Variants in OSBPL9 observed in about 807,000 individuals in gnomAD.
OSBPL9 encodes the protein oxysterol-binding protein-related protein 9.
Under a neutral mutation model 106.6 loss-of-function variants are expected in OSBPL9, and 40 were observed. The observed-to-expected ratio is 0.38, with a 90% confidence interval of 0.29 to 0.49. The LOEUF (loss-of-function observed/expected upper bound fraction) is 0.49, where lower values mean the gene tolerates loss of function less well. Among genes scored for constraint, OSBPL9 ranks in the 20% least tolerant of loss-of-function variants. The pLI, the probability that OSBPL9 is intolerant of heterozygous loss-of-function variation, is 0.97. For missense variants in OSBPL9, 609 were observed against 887.2 expected, an observed-to-expected ratio of 0.69 and a Z score of 3.98; for synonymous variants, 269 against 295.4, an observed-to-expected ratio of 0.91 and a Z score of 0.92.
rs554099462 is a variant in OSBPL9, at chr1:51,714,970, G to A, written c.318+891G>A. The stretch of plus-strand genomic sequence containing the variant: ...AGATGTTGGGTGACATGCAACTAAC[G>A]TCTGCCGTACTACACTGAAGATATT... On this transcript the variant is annotated intron_variant, in intron 4 of 23. Transcript: ENST00000428468. 6.2e-4 allele frequency among the ~76,000 whole-genome samples: 94 copies of A among 152,288 alleles called. 2 individuals carry two copies. In the South Asian group the frequency reaches 0.019, roughly 31 times the overall value.
intron 1 of OSBPL9, among the ~76,000 whole-genome samples, chr1:51,587,871 C>T (rs1645254042): frequency 6.6e-6 from 1 of 152,250 alleles, no homozygotes; most frequent in Non-Finnish European, 1.5e-5. Flanking sequence ...TTCCGCCTCA[C>T]CACTCCACTG....
intron 3 of OSBPL9, among the ~76,000 whole-genome samples, chr1:51,703,229 G>A (rs563455118): frequency 9.9e-5 from 15 of 152,222 alleles, no homozygotes; most frequent in African/African-American, 3.6e-4. Context: ...AAATTACCTT[G>A]GGCAGTGTGG....
the OSBPL9 span, among the ~76,000 whole-genome samples, chr1:51,555,117 G>A: frequency 1.3e-5 from 2 of 152,300 alleles, no homozygotes; most frequent in East Asian, 1.9e-4. Flanking sequence ...CACTCTGCTA[G>A]CCTCCAAATT....
At chr1:51,544,837 CTTTTTTTTTTTTTTT>C in the OSBPL9 span, among the ~76,000 whole-genome samples, 14 of 80,260 alleles carry the variant, frequency 1.7e-4, no homozygotes, top group Non-Finnish European at 1.4e-4. Flanking sequence ...AAGAGACATG[CTTTTTTTTTTTTTTT>C]TTTTTTTTTG....
intron 1 of OSBPL9, among the ~76,000 whole-genome samples, chr1:51,624,123 A>G (rs1382322222): frequency 4.0e-5 from 6 of 151,610 alleles, no homozygotes; most frequent in Non-Finnish European, 8.8e-5. Flanking sequence ...CACCATGTTG[A>G]CCAGGCTGAT....
chr1:51,603,752 T>C (rs891133910), intron 2 of OSBPL9, among the ~76,000 whole-genome samples: 1 of 152,180 alleles, frequency 6.6e-6, no homozygotes, highest in Non-Finnish European at 1.5e-5. Context: ...GTGGTGTATG[T>C]AGTAGAAAAA....
At chr1:51,705,527 C>T (rs949411469) in intron 3 of OSBPL9, among the ~76,000 whole-genome samples, 4 of 148,440 alleles carry the variant, frequency 2.7e-5, no homozygotes, top group Non-Finnish European at 5.9e-5. Flanking sequence ...GATTCTCCTG[C>T]CTCAGCCTCC....
the OSBPL9 span, among the ~76,000 whole-genome samples, chr1:51,518,988 T>C: frequency 1.3e-5 from 2 of 150,972 alleles, no homozygotes; most frequent in African/African-American, 4.9e-5. Context: ...CCGACGACCC[T>C]GGGCGAGGTC....
the OSBPL9 span, chr1:51,519,272 G>A: frequency 2.6e-6 from 3 of 1,174,484 alleles, no homozygotes; most frequent in Non-Finnish European, 3.2e-6. Flanking sequence ...AAGACGGGCT[G>A]ACTGGGGCTC....
intron 1 of OSBPL9, among the ~76,000 whole-genome samples, chr1:51,644,058 C>A (rs927058466): frequency 4.6e-4 from 54 of 116,188 alleles, no homozygotes; most frequent in African/African-American, 1.8e-3. Flanking sequence ...CCAGCCTGGG[C>A]AACAGAGTGA....
At chr1:51,634,598 G>A (rs1645306779) in intron 1 of OSBPL9, among the ~76,000 whole-genome samples, 2 of 152,124 alleles carry the variant, frequency 1.3e-5, no homozygotes, top group Non-Finnish European at 2.9e-5. Context: ...CTCAAAGAAA[G>A]GCCAACTGAA....
chr1:51,549,617 A>G, the OSBPL9 span, among the ~76,000 whole-genome samples: 3 of 152,168 alleles, frequency 2.0e-5, no homozygotes, highest in Admixed American at 1.3e-4. Context: ...AGATCACTTG[A>G]GGTCAGGAGT....
intron 11 of OSBPL9, among the ~76,000 whole-genome samples, chr1:51,762,682 C>T (rs1232489414): frequency 1.3e-5 from 2 of 152,158 alleles, no homozygotes; most frequent in African/African-American, 2.4e-5. Flanking sequence ...ACACTTATGT[C>T]GTGTATTTTT....
At chr1:51,581,447 T>G (rs1025224738) in intron 1 of OSBPL9, among the ~76,000 whole-genome samples, 21 of 152,220 alleles carry the variant, frequency 1.4e-4, no homozygotes, top group Admixed American at 1.3e-3. Flanking sequence ...TTTTTCCCCC[T>G]TCTTTCCATA....
intron 12 of OSBPL9, among the ~76,000 whole-genome samples, chr1:51,771,478 A>G (rs545343536): frequency 1.3e-5 from 2 of 152,202 alleles, no homozygotes; most frequent in Non-Finnish European, 2.9e-5. Context: ...GAAAAATATA[A>G]ATATACGTGC....
chr1:51,787,681 A>G (rs370336129), intron 23 of OSBPL9, 34 bp from the exon 24 acceptor site: 3 of 1,603,738 alleles, frequency 1.9e-6, no homozygotes, highest in Non-Finnish European at 2.6e-6. Flanking sequence ...TACAAAGCAA[A>G]TATGTAACTA....
intron 23 of OSBPL9, 108 bp downstream of exon 23, chr1:51,787,596 G>A: frequency 6.2e-7 from 1 of 1,600,430 alleles, no homozygotes; most frequent in Non-Finnish European, 8.5e-7. Flanking sequence ...ATGATCGCTG[G>A]TCCCTACTTG....
At chr1:51,740,261 A>G in intron 4 of OSBPL9, 1 of 1,454,758 alleles carries the variant, frequency 6.9e-7, no homozygotes, top group Non-Finnish European at 9.1e-7. Context: ...ATTGGATGAA[A>G]GCTTATCTGT....
chr1:51,535,534 T>C, the OSBPL9 span, among the ~76,000 whole-genome samples: 1 of 152,170 alleles, frequency 6.6e-6, no homozygotes, highest in Non-Finnish European at 1.5e-5. Context: ...TCTTCATCTA[T>C]GCTTTATTAT....
Sources: allele counts gnomAD v4.1 joint callset (sites outside exome capture counted in the v4.1 genomes callset), GRCh38; gene constraint gnomAD v4.1.1; transcripts MANE v1.5; gene names NCBI Gene and HGNC (gene_info 2026-07-23, HGNC 2026-07-21).